Variants in LARGE1 observed in about 807,000 individuals in gnomAD.
LARGE1 encodes xylosyl- and glucuronyltransferase LARGE1.
Under a neutral mutation model 87.6 loss-of-function variants are expected in LARGE1, and 43 were observed. That is an observed-to-expected ratio of 0.49 (90% CI 0.38 to 0.63). LARGE1 has a LOEUF of 0.63. LARGE1 is among the 30% of genes least tolerant of loss of function. The probability of loss-of-function intolerance (pLI) is 0.00; values close to 1 mark genes in which losing one functional copy is unlikely to be tolerated. For synonymous variants in LARGE1, 434 were observed against 394.6 expected, an observed-to-expected ratio of 1.10 and a Z score of -1.18; for missense variants, 802 against 1,000.2, an observed-to-expected ratio of 0.80 and a Z score of 2.67.
At chr22:33,297,755 G>T (rs540169288) in intron 12 of LARGE1, among the ~76,000 whole-genome samples, 1 of 148,712 alleles carries the variant, frequency 6.7e-6, no homozygotes, top group South Asian at 2.1e-4. Context: ...CGAGGTGGGC[G>T]GATCACCTGA....
chr22:33,069,816 CTTTTTTTT>C, the LARGE1 span, among the ~76,000 whole-genome samples: 3 of 126,778 alleles, frequency 2.4e-5, no homozygotes, highest in Non-Finnish European at 3.2e-5. Flanking sequence ...TTATTACATT[CTTTTTTTT>C]TTTTTTTTTT....
chr22:33,451,991 T>C (rs2067952043), intron 6 of LARGE1, among the ~76,000 whole-genome samples: 1 of 152,232 alleles, frequency 6.6e-6, no homozygotes, highest in Admixed American at 6.5e-5. Flanking sequence ...CCCAGGTTCC[T>C]CTTCACAAGG....
In LARGE1 at chr22:33,188,440, G is replaced by A. The variant is rs535736873; in HGVS notation, c.1731-21608C>T. Among the ~76,000 whole-genome samples the A allele has an allele frequency of 1.2e-4, 19 of 152,182 alleles. No individual in the cohort carries two copies. In the South Asian group the frequency reaches 2.9e-3, roughly 23 times the overall value. ...GGATACAGAAGACTGAGCTCACACC[G>A]GGCCTGCTGCAAATGCTACTCAACA... is the stretch of plus-strand genomic sequence containing the variant. On this transcript the variant is annotated intron_variant, in intron 11 of 11. Transcript: ENST00000608642.
chr22:33,853,264 A>T (rs2063663689), intron 1 of LARGE1, among the ~76,000 whole-genome samples: 1 of 152,178 alleles, frequency 6.6e-6, no homozygotes, highest in Admixed American at 6.5e-5. Context: ...AATGAACAGG[A>T]TATAAGAGCA....
At chr22:33,242,698 G>A (rs1281615587) in intron 11 of LARGE1, among the ~76,000 whole-genome samples, 1 of 152,056 alleles carries the variant, frequency 6.6e-6, no homozygotes, top group African/African-American at 2.4e-5. Context: ...TAAACTCTAG[G>A]GACATGTATG....
In LARGE1 at chr22:33,344,617, T is replaced by A. The variant is rs926872592; in HGVS notation, c.1132-6816A>T. On this transcript the variant is annotated intron_variant, in intron 9 of 14. Coordinates refer to ENST00000397394, the MANE Select transcript of LARGE1 (RefSeq NM_133642.5). ...TAAACCACATCTCTCACTCTGAAAA[T>A]CTGACTCAGGATCTGTGTTGCTGAT... 2.6e-5 allele frequency among the ~76,000 whole-genome samples: 4 copies of A among 152,282 alleles called. 1 individual carries two copies. Among genetic ancestry groups the A allele is most frequent in the South Asian group, 4.2e-4 (2 of 4,816 alleles).
At chr22:33,485,218 CT>C (rs35927122) in intron 6 of LARGE1, among the ~76,000 whole-genome samples, 320 of 102,848 alleles carry the variant, frequency 3.1e-3, no homozygotes, top group Middle Eastern at 0.02. Context: ...CGGTCTGAGT[CT>C]TTTTTTTTTT....
intron 9 of LARGE1, among the ~76,000 whole-genome samples, chr22:33,348,300 T>C (rs985329759): frequency 3.7e-5 from 2 of 54,384 alleles, no homozygotes; most frequent in Admixed American, 5.7e-4. Flanking sequence ...AAAAAAAAAG[T>C]ACTAGGCAGA....
At chr22:33,520,241 A>AT (rs2071517059) in intron 6 of LARGE1, among the ~76,000 whole-genome samples, 2 of 151,674 alleles carry the variant, frequency 1.3e-5, no homozygotes, top group Admixed American at 6.6e-5. Flanking sequence ...TGCCTGGCTA[A>AT]TTTTTTATTT....
chr22:33,848,644 A>C (rs972256275), intron 1 of LARGE1, among the ~76,000 whole-genome samples: 31 of 152,200 alleles, frequency 2.0e-4, no homozygotes, highest in Non-Finnish European at 2.9e-5. Context: ...CACTGGGCCC[A>C]AAAACTCCAG....
At chr22:33,840,409 G>A (rs1174112115) in intron 1 of LARGE1, among the ~76,000 whole-genome samples, 1 of 152,118 alleles carries the variant, frequency 6.6e-6, no homozygotes, top group East Asian at 1.9e-4. Flanking sequence ...TATTTTTGAA[G>A]ACCAACTCAC....
chr22:33,140,181 G>A, the LARGE1 span, among the ~76,000 whole-genome samples: 1 of 152,198 alleles, frequency 6.6e-6, no homozygotes, highest in African/African-American at 2.4e-5. Flanking sequence ...GGATCTGGGA[G>A]GGGGTTGCAG....
intron 1 of LARGE1, among the ~76,000 whole-genome samples, chr22:33,780,672 A>G (rs2085391193): frequency 1.3e-5 from 2 of 152,232 alleles, no homozygotes; most frequent in Non-Finnish European, 2.9e-5. Flanking sequence ...AACACACAAC[A>G]TCTGCTTATC....
At chr22:33,703,833 T>A (rs2082474586) in intron 2 of LARGE1, among the ~76,000 whole-genome samples, 1 of 152,250 alleles carries the variant, frequency 6.6e-6, no homozygotes, top group Non-Finnish European at 1.5e-5. Flanking sequence ...AGTAAATCTG[T>A]ATTATTTTAA....
chr22:33,256,159 C>G (rs1927251642), intron 11 of LARGE1, among the ~76,000 whole-genome samples: 1 of 152,222 alleles, frequency 6.6e-6, no homozygotes, highest in South Asian at 2.1e-4. Flanking sequence ...CAGAATTGGT[C>G]TACCTAGAGA....
At chr22:33,826,424 C>T (rs904159552) in intron 1 of LARGE1, among the ~76,000 whole-genome samples, 1 of 151,394 alleles carries the variant, frequency 6.6e-6, no homozygotes, top group Non-Finnish European at 1.5e-5. Context: ...CTCGCTGCAA[C>T]CTCCGCCTCC....
chr22:33,164,638 C>T (rs760238579), exon 12 of LARGE1: 1 of 152,206 alleles, frequency 6.6e-6, no homozygotes, highest in East Asian at 1.9e-4. Flanking sequence ...CTGCCTCAGC[C>T]TCCCAAGTAG....
intron 1 of LARGE1, among the ~76,000 whole-genome samples, chr22:33,881,296 T>C (rs527299187): frequency 6.6e-6 from 1 of 152,286 alleles, no homozygotes; most frequent in South Asian, 2.1e-4. Flanking sequence ...TAGCGGGCCC[T>C]GGTGCCCCCA....
At chr22:33,135,266 T>C in the LARGE1 span, among the ~76,000 whole-genome samples, 1 of 152,112 alleles carries the variant, frequency 6.6e-6, no homozygotes, top group African/African-American at 2.4e-5. Flanking sequence ...TTCAGGGAAG[T>C]CCACACATTG....
Sources: gnomAD v4.1 joint callset for allele counts (sites outside exome capture counted in the v4.1 genomes callset) on GRCh38, gnomAD v4.1.1 for gene constraint, MANE v1.5 for transcripts, NCBI Gene and HGNC (gene_info 2026-07-23, HGNC 2026-07-21) for gene names.